The following ASPH variants were observed in gnomAD, a reference collection of about 807,000 sequenced individuals.
The protein encoded by ASPH is aspartate beta-hydroxylase.
ASPH carries 100 observed loss-of-function variants against 118.4 expected under a neutral mutation model. The ratio of observed to expected loss-of-function variants is 0.84; its 90% confidence interval spans 0.72 to 1.00. The LOEUF (loss-of-function observed/expected upper bound fraction) is 1.00. Ranked by LOEUF, ASPH falls within the 50% of genes least tolerant of loss-of-function variation. The pLI is 0.00. For missense variants in ASPH, 920 were observed against 919.5 expected (o/e 1.00, Z -0.01); for synonymous variants, 315 against 325.6 (o/e 0.97, Z 0.35).
intron 22 of ASPH, among the ~76,000 whole-genome samples, chr8:61,519,259 T>C (rs550676816): frequency 2.6e-5 from 4 of 152,210 alleles, no homozygotes; most frequent in Non-Finnish European, 4.4e-5. Flanking sequence ...AATGATACAA[T>C]AGATTAGTAC....
At chr8:61,609,839 T>C (rs971731760) in intron 14 of ASPH, among the ~76,000 whole-genome samples, 1 of 152,226 alleles carries the variant, frequency 6.6e-6, no homozygotes, top group African/African-American at 2.4e-5. Context: ...CAATTTGAAG[T>C]CTTGTTTAAA....
At position 61,714,514 on chromosome 8, in the gene ASPH, C is replaced by G; in HGVS notation, c.-143G>C. 1 of 1,214,132 alleles carries G rather than the reference C, an allele frequency of 8.2e-7. No individual in the cohort carries two copies. The highest frequency in any genetic ancestry group is 1.1e-6 in the Non-Finnish European group (1 of 943,192). 75.2% of individuals were successfully genotyped at this position (1,214,132 alleles called of 1,614,324 possible). On this transcript the variant is annotated 5_prime_UTR_variant, in exon 1 of 25. Transcript: ENST00000379454. ...TCCTGCAGCAGACCCTGTGCCTCAG[C>G]ACCGCCTGCAGCACCTGGGAAGACT...
At chr8:61,513,185 C>T (rs928124770) in intron 24 of ASPH, among the ~76,000 whole-genome samples, 2 of 152,228 alleles carry the variant, frequency 1.3e-5, no homozygotes, top group African/African-American at 4.8e-5. Context: ...TGAAAAATTG[C>T]TGCCTTTGGC....
chr8:61,541,288 C>T (rs1017551863), intron 21 of ASPH, among the ~76,000 whole-genome samples: 4 of 152,166 alleles, frequency 2.6e-5, no homozygotes, highest in Admixed American at 1.3e-4. Context: ...AGCGTGAACC[C>T]GCGAGGCGGA....
At chr8:61,524,465 T>C (rs1814453150) in intron 22 of ASPH, among the ~76,000 whole-genome samples, 2 of 151,746 alleles carry the variant, frequency 1.3e-5, no homozygotes, top group East Asian at 3.9e-4. Flanking sequence ...ATTTTATGAG[T>C]TTTTTAAACA....
In ASPH at chr8:61,670,098, C is replaced by A. The variant is rs375603809; in HGVS notation, c.322+10870G>T. ...TCAATATTTTTGACATAAAAAGGAC[C>A]AAGCTAATAATTTAAACAATTATTA... On this transcript the variant is annotated intron_variant, in intron 3 of 24. Coordinates refer to ENST00000379454, the MANE Select transcript of ASPH (RefSeq NM_004318.4). Among the ~76,000 whole-genome samples, 43 of 151,592 alleles carry A rather than the reference C, an allele frequency of 2.8e-4. 1 individual carries two copies. Among genetic ancestry groups the A allele is most frequent in the African/African-American group, 6.1e-4 (25 of 41,312 alleles).
intron 14 of ASPH, chr8:61,607,124 G>A (rs1845822122): frequency 3.6e-6 from 2 of 552,490 alleles, no homozygotes; most frequent in Non-Finnish European, 6.4e-6. Flanking sequence ...TGCTTTCAGA[G>A]CGCTCCACAG....
chr8:61,642,559 G>A (rs1805659421), intron 10 of ASPH, among the ~76,000 whole-genome samples: 1 of 152,198 alleles, frequency 6.6e-6, no homozygotes, highest in Non-Finnish European at 1.5e-5. Flanking sequence ...ACAAGAAGGT[G>A]GCTTAAGGTT....
intron 21 of ASPH, among the ~76,000 whole-genome samples, chr8:61,543,153 T>G (rs1441320276): frequency 6.6e-6 from 1 of 152,216 alleles, no homozygotes; most frequent in Non-Finnish European, 1.5e-5. Context: ...TTCTCAGATG[T>G]GTAGATTAAT....
rs1238500631 is a variant in ASPH at position 61,500,799 on chromosome 8, TAATG to T, written c.*2556_*2559del. ...AGTCAAACAAAAATATTTTAGTTAA[TAATG>T]GGCAGTAAAATATGATTTTACATTA... On this transcript the variant is annotated 3_prime_UTR_variant, in exon 25 of 25. Coordinates refer to ENST00000379454, the MANE Select transcript of ASPH (RefSeq NM_004318.4). 1 of 152,228 alleles carries T rather than the reference TAATG, an allele frequency of 6.6e-6. No individual in the cohort carries two copies. Among genetic ancestry groups the T allele is most frequent in the African/African-American group, 2.4e-5 (1 of 41,460 alleles). The allele number at this position is 152,228 out of a possible 1,614,324, so 9.4% of individuals were successfully genotyped here. A position where few individuals can be genotyped will look rare whatever the true frequency, so the allele number is the denominator to read the frequency against.
chr8:61,625,917 T>C (rs1259207828), intron 13 of ASPH: 3 of 1,056,188 alleles, frequency 2.8e-6, no homozygotes, highest in Non-Finnish European at 3.4e-6. Flanking sequence ...GCCAACACAA[T>C]TGCTGCTACA....
chr8:61,622,790 G>C (rs1221807777), intron 13 of ASPH, among the ~76,000 whole-genome samples: 1 of 152,176 alleles, frequency 6.6e-6, no homozygotes, highest in African/African-American at 2.4e-5. Context: ...TTGCTCACTT[G>C]CAGGCAGAAG....
intron 4 of ASPH, 28 bp downstream of exon 4, chr8:61,653,540 C>T (rs771733492): frequency 4.4e-6 from 7 of 1,607,812 alleles, no homozygotes; most frequent in East Asian, 2.2e-5. Flanking sequence ...CACACCTGGG[C>T]GAGACTCGAG....
At chr8:61,596,657 T>C (rs944758886) in intron 14 of ASPH, among the ~76,000 whole-genome samples, 7 of 152,088 alleles carry the variant, frequency 4.6e-5, no homozygotes, top group African/African-American at 1.7e-4. Context: ...AAGGAAATCA[T>C]ACTGAGACTA....
At chr8:61,634,781 G>A (rs1460742246) in intron 12 of ASPH, among the ~76,000 whole-genome samples, 1 of 151,990 alleles carries the variant, frequency 6.6e-6, no homozygotes, top group Non-Finnish European at 1.5e-5. Flanking sequence ...TTTTACTTTT[G>A]TTATTCTACG....
chr8:61,682,597 G>A, intron 2 of ASPH: 1 of 997,328 alleles, frequency 1.0e-6, no homozygotes, highest in Non-Finnish European at 1.5e-6. Context: ...GTCAGTCAAA[G>A]CATAGATCTA....
chr8:61,538,169 T>TA (rs1460682804), intron 21 of ASPH, among the ~76,000 whole-genome samples: 1 of 152,176 alleles, frequency 6.6e-6, no homozygotes, highest in Non-Finnish European at 1.5e-5. Context: ...CTCAGATGGG[T>TA]AAAAGGACTT....
rs551743830 is a variant in ASPH at position 61,578,806 on chromosome 8, T to C, written c.1063-1948A>G. 3.0e-5 allele frequency: 49 copies of C among 1,608,680 alleles called. No individual in the cohort carries two copies. The South Asian group carries it at 4.9e-4, about 16-fold the overall frequency. On this transcript the variant is annotated intron_variant, in intron 15 of 24. Coordinates refer to ENST00000379454, the MANE Select transcript of ASPH (RefSeq NM_004318.4). ...GAGATGGAGAATGAATTTGTCCTCATCAAGAAGGATGTGGATGAAGCTTAC... is the reference window on the plus strand; with the variant it reads ...GAGATGGAGAATGAATTTGTCCTCACCAAGAAGGATGTGGATGAAGCTTAC...
At position 61,642,894 on chromosome 8, in the gene ASPH, C is replaced by G; in HGVS notation, c.784G>C (p.Glu262Gln). The G allele has an allele frequency of 3.9e-6, 6 of 1,546,386 alleles. No homozygotes were observed. Among genetic ancestry groups the G allele is most frequent in the Non-Finnish European group, 5.2e-6 (6 of 1,154,426 alleles). ...TDDVTYQVYE[E>Q]QAVYEPLENE... Reference sequence around the variant, plus strand: ...AAAGAAAGCATTTGCAAACCTTGTTCCTCATAGACTTGGTATGTTACATCA... The same window carrying G: ...AAAGAAAGCATTTGCAAACCTTGTTGCTCATAGACTTGGTATGTTACATCA... The change falls in exon 10 of 25, where the codon GAA (glutamate) becomes CAA (glutamine). Residue 262 changes from glutamate (E) to glutamine (Q), a missense_variant. Glu to Gln is a conservative substitution (Grantham distance 29). Coordinates refer to ENST00000379454, the MANE Select transcript of ASPH (RefSeq NM_004318.4).
Sources: gnomAD v4.1 joint callset for allele counts (sites outside exome capture counted in the v4.1 genomes callset) on GRCh38, gnomAD v4.1.1 for gene constraint, MANE v1.5 for transcripts, NCBI Gene and HGNC (gene_info 2026-07-23, HGNC 2026-07-21) for gene names.